LPGAT1: variants seen among roughly 807,000 people sequenced by gnomAD.
LPGAT1 encodes lysophosphatidylglycerol acyltransferase 1.
In LPGAT1, 11 loss-of-function variants were observed where a neutral mutation model predicts 47.5. That is an observed-to-expected ratio of 0.23 (90% CI 0.15 to 0.38). The LOEUF (loss-of-function observed/expected upper bound fraction) is 0.38. Ranked by LOEUF, LPGAT1 falls within the 10% of genes least tolerant of loss-of-function variation. LPGAT1 has a pLI of 1.00. For missense variants in LPGAT1, 293 were observed against 439.0 expected (o/e 0.67, Z 2.97); for synonymous variants, 138 against 144.2 (o/e 0.96, Z 0.31).
At chr1:211,766,479 A>T (rs1273180682) in intron 6 of LPGAT1, among the ~76,000 whole-genome samples, 4 of 152,218 alleles carry the variant, frequency 2.6e-5, no homozygotes, top group African/African-American at 9.6e-5. Context: ...GCATACCTTA[A>T]ATGTGCTGAG....
intron 2 of LPGAT1, among the ~76,000 whole-genome samples, chr1:211,806,399 G>A (rs370887717): frequency 6.0e-5 from 9 of 150,690 alleles, no homozygotes; most frequent in South Asian, 2.1e-4. Context: ...AAGCCATTAC[G>A]CTAAGCAAAT....
At chr1:211,755,931 C>G (rs145167713) in intron 6 of LPGAT1, among the ~76,000 whole-genome samples, 366 of 152,266 alleles carry the variant, frequency 2.4e-3, no homozygotes, top group African/African-American at 8.4e-3. Flanking sequence ...CCAGAAACTT[C>G]AAGTTTCAGC....
chr1:211,768,327 T>C (rs1658025205), intron 6 of LPGAT1, among the ~76,000 whole-genome samples: 2 of 152,224 alleles, frequency 1.3e-5, no homozygotes. Context: ...GCAATTTCTT[T>C]TTTGAATTAG....
At chr1:211,765,991 G>A (rs986217990) in intron 6 of LPGAT1, among the ~76,000 whole-genome samples, 2 of 152,140 alleles carry the variant, frequency 1.3e-5, no homozygotes, top group African/African-American at 2.4e-5. Context: ...GAACAAAAAG[G>A]TAGAGGAAGG....
chr1:211,754,656 G>T (rs550254173), intron 6 of LPGAT1, among the ~76,000 whole-genome samples: 2 of 152,270 alleles, frequency 1.3e-5, no homozygotes, highest in South Asian at 2.1e-4. Flanking sequence ...GCTATTTTGG[G>T]TTTAGGCAAA....
intron 5 of LPGAT1, 129 bp downstream of exon 5, chr1:211,783,100 T>A: frequency 1.2e-6 from 1 of 840,602 alleles, no homozygotes; most frequent in Non-Finnish European, 1.7e-6. Flanking sequence ...TTTAAAAAAT[T>A]ACAGTTTCAT....
intron 6 of LPGAT1, among the ~76,000 whole-genome samples, chr1:211,768,586 T>A (rs780015983): frequency 6.6e-5 from 10 of 152,230 alleles, no homozygotes; most frequent in Non-Finnish European, 1.5e-4. Flanking sequence ...ACATTGATTT[T>A]AAGATGTCTC....
intron 4 of LPGAT1, among the ~76,000 whole-genome samples, chr1:211,786,837 G>C (rs1422062893): frequency 6.6e-6 from 1 of 152,026 alleles, no homozygotes; most frequent in Non-Finnish European, 1.5e-5. Context: ...ACAGTGCCTT[G>C]TAAATAAAAG....
At position 211,805,965 on chromosome 1, in the gene LPGAT1, T is replaced by G. The variant is rs150052278; in HGVS notation, c.239-12775A>C. Among the ~76,000 whole-genome samples the G allele has an allele frequency of 1.3e-4, 20 of 152,270 alleles. No homozygotes were observed. In the East Asian group the frequency reaches 3.9e-3, roughly 29 times the overall value. On this transcript the variant is annotated intron_variant, in intron 2 of 7. Transcript: ENST00000366997. ...CCCCAGGAATGCAAGGCTGGTCCAA[T>G]ATCCAAATATCAGGCCGGGCGCAGT...
intron 6 of LPGAT1, among the ~76,000 whole-genome samples, chr1:211,775,202 A>T (rs554552366): frequency 6.4e-4 from 97 of 152,196 alleles, no homozygotes; most frequent in Non-Finnish European, 1.2e-3. Flanking sequence ...CTGCAAACCC[A>T]GCTATTTGTG....
chr1:211,779,204 TCAG>T (rs112987993), intron 5 of LPGAT1, among the ~76,000 whole-genome samples, 160 bp from the exon 6 acceptor site: 23 of 152,314 alleles, frequency 1.5e-4, no homozygotes, highest in African/African-American at 5.5e-4. Flanking sequence ...ATAACACTCT[TCAG>T]AAGAAATTAA....
intron 6 of LPGAT1, among the ~76,000 whole-genome samples, chr1:211,762,244 T>C (rs933646690): frequency 1.3e-5 from 2 of 152,176 alleles, no homozygotes; most frequent in Admixed American, 6.5e-5. Context: ...CAGAAGAACA[T>C]TAAAAATAAG....
intron 2 of LPGAT1, among the ~76,000 whole-genome samples, chr1:211,797,255 CA>C (rs1318266223): frequency 6.8e-6 from 1 of 147,152 alleles, no homozygotes; most frequent in South Asian, 2.1e-4. Flanking sequence ...GACTCTGTCT[CA>C]AAAAAACAAA....
At chr1:211,785,450 C>T (rs942518882) in intron 4 of LPGAT1, among the ~76,000 whole-genome samples, 11 of 152,080 alleles carry the variant, frequency 7.2e-5, no homozygotes, top group African/African-American at 2.4e-4. Context: ...GGGAAAAACA[C>T]GTTGCTCTTT....
At chr1:211,765,157 C>T (rs993433619) in intron 6 of LPGAT1, among the ~76,000 whole-genome samples, 2 of 152,194 alleles carry the variant, frequency 1.3e-5, no homozygotes, top group African/African-American at 4.8e-5. Context: ...TTCCATGTGT[C>T]TAACGATGTT....
intron 6 of LPGAT1, among the ~76,000 whole-genome samples, chr1:211,756,250 C>G (rs541955817): frequency 1.3e-5 from 2 of 152,060 alleles, no homozygotes; most frequent in Admixed American, 1.3e-4. Context: ...AAAACCAAAC[C>G]AAAACAAAAA....
intron 5 of LPGAT1, among the ~76,000 whole-genome samples, chr1:211,782,712 A>C (rs1658692313): frequency 6.6e-6 from 1 of 152,132 alleles, no homozygotes; most frequent in South Asian, 2.1e-4. Context: ...TCCAGCCTGG[A>C]CAACAGAGCA....
rs1044883471 is a variant in LPGAT1, at chr1:211,830,293, G to T, written c.-28+280C>A. ...GCCCAAGCGGCCCGAGGCGCTGCGC[G>T]AGCGGGCGCGCTGGCGCCCTACTCC... On this transcript the variant is annotated intron_variant, in intron 1 of 7. Transcript: ENST00000366997. This position sits in a 1 kb window ranked among gnomAD's most constrained non-coding sequence, Gnocchi z 5.9. The T allele has an allele frequency of 1.9e-6, 2 of 1,053,974 alleles. No individual in the cohort carries two copies. Among genetic ancestry groups the T allele is most frequent in the Non-Finnish European group, 2.3e-6 (2 of 874,774 alleles). 65.3% of individuals were successfully genotyped at this position (1,053,974 alleles called of 1,614,324 possible). A position where few individuals can be genotyped will look rare whatever the true frequency, so the allele number is the denominator to read the frequency against.
chr1:211,775,492 G>A (rs138545889), intron 6 of LPGAT1, among the ~76,000 whole-genome samples: 278 of 152,254 alleles, frequency 1.8e-3, no homozygotes, highest in Admixed American at 3.9e-3. Flanking sequence ...TACTACATAG[G>A]AGAGGACAGT....
Sources: gnomAD v4.1 joint callset for allele counts (sites outside exome capture counted in the v4.1 genomes callset) on GRCh38, gnomAD v4.1.1 for gene constraint, Gnocchi (gnomAD v3.1) non-coding constraint, MANE v1.5 for transcripts, NCBI Gene and HGNC (gene_info 2026-07-23, HGNC 2026-07-21) for gene names.